The following OSBPL11 variants were observed in gnomAD, a reference collection of about 807,000 sequenced individuals.
OSBPL11 encodes oxysterol binding protein like 11, also known as oxysterol-binding protein-related protein 11.
In OSBPL11, 33 loss-of-function variants were observed where a neutral mutation model predicts 84.4. The ratio of observed to expected loss-of-function variants is 0.39; its 90% CI spans 0.30 to 0.52. The LOEUF is 0.52. Ranked by LOEUF, OSBPL11 falls within the 20% of genes least tolerant of loss-of-function variation. The pLI is 0.72. For missense variants in OSBPL11, 736 were observed against 901.1 expected (o/e 0.82, Z 2.35); for synonymous variants, 276 against 310.2 (o/e 0.89, Z 1.16).
In OSBPL11 at chr3:125,545,177, C is replaced by T. The variant is rs78095888; in HGVS notation, c.1841+2229G>A. Among the ~76,000 whole-genome samples the T allele has an allele frequency of 7.8e-3, 1,189 of 152,290 alleles. 14 individuals are homozygous for T. The highest frequency in any genetic ancestry group is 0.027 in the African/African-American group (1,112 of 41,556). ...TTTTATGGAGAGCTACTGAAGAAGA[C>T]ACTGTCTGTTATTTTACTCGATATC... On this transcript the variant is annotated intron_variant, in intron 10 of 12. Coordinates refer to ENST00000296220, the MANE Select transcript of OSBPL11 (RefSeq NM_022776.5).
intron 7 of OSBPL11, among the ~76,000 whole-genome samples, chr3:125,561,533 A>G (rs1347679759): frequency 1.3e-5 from 2 of 152,198 alleles, no homozygotes; most frequent in African/African-American, 4.8e-5. Flanking sequence ...TGAAATGCAC[A>G]TAATCTATTC....
Position 125,540,812 on chromosome 3 carries a change from C to T in OSBPL11, c.1842-2179G>A, listed in dbSNP as rs998164368. Among the ~76,000 whole-genome samples the T allele has an allele frequency of 2.6e-5, 4 of 151,776 alleles. No individual in the cohort carries two copies. In the East Asian group the frequency reaches 5.9e-4, roughly 22 times the overall value. On this transcript the variant is annotated intron_variant, in intron 10 of 12. Coordinates refer to ENST00000296220, the MANE Select transcript of OSBPL11 (RefSeq NM_022776.5). ...GGGTCCGTATTGTTTAGAGCAGCTA[C>T]ACAGCAAAAACAGCACGAAGAGAAG...
At position 125,539,466 on chromosome 3, in the gene OSBPL11, G is replaced by C. The variant is rs529718692; in HGVS notation, c.1842-833C>G. Among the ~76,000 whole-genome samples the C allele has an allele frequency of 5.3e-5, 8 of 151,956 alleles. No homozygotes were observed. The East Asian group carries it at 1.5e-3, about 29-fold the overall frequency. On this transcript the variant is annotated intron_variant, in intron 10 of 12. Coordinates refer to ENST00000296220, the MANE Select transcript of OSBPL11 (RefSeq NM_022776.5). Reference sequence around the variant, plus strand: ...TGTTATTATTGTTATTTTTGAGACAGAGTCTTGCTCTGTTGCCTAGGCTGG... The same window carrying C: ...TGTTATTATTGTTATTTTTGAGACACAGTCTTGCTCTGTTGCCTAGGCTGG...
At chr3:125,541,387 T>A (rs1935726994) in intron 10 of OSBPL11, among the ~76,000 whole-genome samples, 1 of 152,150 alleles carries the variant, frequency 6.6e-6, no homozygotes. Context: ...CTACATAGCA[T>A]AAGGGTGAGC....
chr3:125,566,868 T>C (rs1936163752), intron 6 of OSBPL11, among the ~76,000 whole-genome samples: 1 of 152,034 alleles, frequency 6.6e-6, no homozygotes, highest in Admixed American at 6.6e-5. Context: ...TACTGCAGCC[T>C]TGGACTCCTG....
At chr3:125,555,271 T>A (rs1935977109) in intron 8 of OSBPL11, among the ~76,000 whole-genome samples, 1 of 152,198 alleles carries the variant, frequency 6.6e-6, no homozygotes, top group Admixed American at 6.5e-5. Context: ...CTGGCTTCCC[T>A]ACTTTTGAGG....
rs776446409 is a variant in OSBPL11, at chr3:125,552,398, CTGGG to C, written c.1433_1436del (p.Thr478ArgfsTer14). 2 of 1,614,126 alleles carry C rather than the reference CTGGG, an allele frequency of 1.2e-6. No individual in the cohort carries two copies. The highest frequency in any genetic ancestry group is 1.7e-6 in the Non-Finnish European group (2 of 1,180,016). Reference sequence around the variant, plus strand: ...ATAAAGGAGCATGATTTGTGACTCCCTGGGTGGAAGAACTGCTAAAAACACTGGA... The same window carrying C: ...ATAAAGGAGCATGATTTGTGACTCCCTGGAAGAACTGCTAAAAACACTGGA... On this transcript the variant is annotated frameshift_variant, in exon 9 of 13. Transcript: ENST00000296220. LOFTEE classifies it high-confidence loss of function.
chr3:125,551,102 T>C (rs1168522265), intron 9 of OSBPL11, among the ~76,000 whole-genome samples: 1 of 146,816 alleles, frequency 6.8e-6, no homozygotes. Flanking sequence ...AGGTCAAGGC[T>C]GCAGTTAGTT....
At chr3:125,567,280 G>T in intron 6 of OSBPL11, 114 bp downstream of exon 6, 1 of 911,798 alleles carries the variant, frequency 1.1e-6, no homozygotes, top group Non-Finnish European at 1.7e-6. Flanking sequence ...ACAGGCTCTG[G>T]TTTTCTTCTC....
In OSBPL11 at chr3:125,530,453, T is replaced by C; in HGVS notation, c.*62A>G. The C allele has an allele frequency of 6.8e-7, 1 of 1,467,258 alleles. No individual in the cohort carries two copies. Among genetic ancestry groups the C allele is most frequent in the Non-Finnish European group, 9.5e-7 (1 of 1,047,582 alleles). The allele number at this position is 1,467,258 out of a possible 1,614,324, so 90.9% of individuals were successfully genotyped here. A position where few individuals can be genotyped will look rare whatever the true frequency, so the allele number is the denominator to read the frequency against. On this transcript the variant is annotated 3_prime_UTR_variant, in exon 13 of 13. Transcript: ENST00000296220. ...AGGTCACTCAGTGCAATGACTCCATTCTGGGAGGATTTAGGGTAAACAGAG... is the reference window on the plus strand; with the variant it reads ...AGGTCACTCAGTGCAATGACTCCATCCTGGGAGGATTTAGGGTAAACAGAG...
chr3:125,575,168 A>T (rs1238193216), intron 5 of OSBPL11, among the ~76,000 whole-genome samples: 1 of 152,152 alleles, frequency 6.6e-6, no homozygotes, highest in East Asian at 1.9e-4. Flanking sequence ...TGTGTTCTGT[A>T]ATATATATAT....
chr3:125,553,079 T>C (rs943619120), intron 8 of OSBPL11, among the ~76,000 whole-genome samples: 82 of 152,154 alleles, frequency 5.4e-4, no homozygotes, highest in African/African-American at 1.9e-3. Flanking sequence ...GCCACTGCAC[T>C]TGTACCTGAG....
intron 8 of OSBPL11, among the ~76,000 whole-genome samples, chr3:125,557,620 C>T (rs1490170758): frequency 3.3e-5 from 5 of 151,498 alleles, no homozygotes; most frequent in Non-Finnish European, 7.4e-5. Flanking sequence ...TCAAGTGATC[C>T]ACCCGCCTCA....
intron 8 of OSBPL11, among the ~76,000 whole-genome samples, chr3:125,560,064 C>T (rs1471110103): frequency 2.6e-5 from 4 of 151,878 alleles, no homozygotes; most frequent in Non-Finnish European, 2.9e-5. Context: ...GCTCGAGACC[C>T]GCCTGGCCAA....
intron 6 of OSBPL11, among the ~76,000 whole-genome samples, chr3:125,565,523 C>T (rs192687424): frequency 8.6e-4 from 131 of 152,016 alleles, no homozygotes; most frequent in African/African-American, 2.9e-3. Context: ...AAGATACAAA[C>T]GTATATTTTC....
In OSBPL11 at chr3:125,595,352, G is replaced by T. The variant is rs889376551; in HGVS notation, c.-552C>A. On this transcript the variant is annotated 5_prime_UTR_variant, in exon 1 of 13. Coordinates refer to ENST00000296220, the MANE Select transcript of OSBPL11 (RefSeq NM_022776.5). The stretch of plus-strand genomic sequence containing the variant: ...GTCGGGGAATGAGGCCGCCGGGGGC[G>T]GGACGCCGGCTCCCGGGGCCGCCTC... Among the ~76,000 whole-genome samples the T allele has an allele frequency of 1.3e-5, 2 of 152,134 alleles. No homozygotes were observed. The highest frequency in any genetic ancestry group is 1.3e-4 in the Admixed American group (2 of 15,280).
intron 2 of OSBPL11, among the ~76,000 whole-genome samples, chr3:125,581,970 T>C (rs1936434200): frequency 6.6e-6 from 1 of 151,670 alleles, no homozygotes; most frequent in South Asian, 2.1e-4. Context: ...CAAGACCCTG[T>C]CTCAAAAATA....
At chr3:125,548,110 C>T (rs1204428037) in intron 9 of OSBPL11, among the ~76,000 whole-genome samples, 2 of 152,242 alleles carry the variant, frequency 1.3e-5, no homozygotes, top group African/African-American at 2.4e-5. Flanking sequence ...CACTCCTGAC[C>T]TGAGGCGATC....
chr3:125,594,329 T>C (rs561771768), intron 1 of OSBPL11, among the ~76,000 whole-genome samples: 4 of 152,300 alleles, frequency 2.6e-5, no homozygotes, highest in African/African-American at 4.8e-5. Context: ...TGTAAATAAA[T>C]TGCAACATAG....
Sources: allele counts gnomAD v4.1 joint callset (sites outside exome capture counted in the v4.1 genomes callset), GRCh38; gene constraint gnomAD v4.1.1; transcripts MANE v1.5; gene names NCBI Gene and HGNC (gene_info 2026-07-23, HGNC 2026-07-21).